Variants in SMG1 observed in about 807,000 individuals in gnomAD.
The protein encoded by SMG1 is SMG1 nonsense mediated mRNA decay associated PI3K related kinase.
In SMG1, 22 loss-of-function variants were observed where a neutral mutation model predicts 419.9. That is an observed-to-expected ratio of 0.05 (90% CI 0.04 to 0.07). The LOEUF (loss-of-function observed/expected upper bound fraction) is 0.07. Ranked by LOEUF, SMG1 falls within the 10% of genes least tolerant of loss-of-function variation. SMG1 has a pLI of 1.00. For missense variants in SMG1, 3,185 were observed against 4,342.0 expected (o/e 0.73, Z 7.49); for synonymous variants, 1,538 against 1,553.5 (o/e 0.99, Z 0.23).
At chr16:18,814,359 C>T (rs970273751) in intron 60 of SMG1, among the ~76,000 whole-genome samples, 1 of 150,904 alleles carries the variant, frequency 6.6e-6, no homozygotes, top group Non-Finnish European at 1.5e-5. Context: ...TTTAGCCAGG[C>T]ATGGTGGCGA....
intron 6 of SMG1, among the ~76,000 whole-genome samples, chr16:18,886,767 C>A (rs1451161274): frequency 6.6e-6 from 1 of 151,994 alleles, no homozygotes; most frequent in Non-Finnish European, 1.5e-5. Context: ...GTGCCACTGC[C>A]CTCCAGCTTG....
chr16:18,865,562 A>G (rs1474674491), intron 23 of SMG1, among the ~76,000 whole-genome samples: 1 of 152,182 alleles, frequency 6.6e-6, no homozygotes, highest in Non-Finnish European at 1.5e-5. Flanking sequence ...AAAATATCAG[A>G]AACAACCTTA....
chr16:18,884,263 T>A (rs2036526743), intron 8 of SMG1, 96 bp from the exon 9 acceptor site: 1 of 578,350 alleles, frequency 1.7e-6, no homozygotes, highest in Non-Finnish European at 3.0e-6. Context: ...TTAAGAGGTA[T>A]CTGGTTTTCA....
Position 18,839,188 on chromosome 16 carries a change from A to T in SMG1, c.6946-499T>A, listed in dbSNP as rs182213149. ...TTAAATATTGATTTTATTTAAAAAA[A>T]TTTTTTTCCTTCTAACTTTTAGGTT... On this transcript the variant is annotated intron_variant, in intron 42 of 62. Coordinates refer to ENST00000446231, the MANE Select transcript of SMG1 (RefSeq NM_015092.5). 3.9e-4 allele frequency among the ~76,000 whole-genome samples: 59 copies of T among 152,024 alleles called. No homozygotes were observed. The East Asian group carries it at 9.3e-3, about 24-fold the overall frequency.
Position 18,850,376 on chromosome 16 carries a change from C to A in SMG1, c.5144G>T (p.Cys1715Phe). Residue 1715 changes from cysteine to phenylalanine, a missense_variant, in exon 34 of 63, where the codon TGC (cysteine) becomes TTC (phenylalanine). By Grantham distance (205) the Cys-to-Phe change is radical. Transcript: ENST00000446231. ...DVIWRQLISSCPWLSELDESA... is the reference protein window; with the variant it reads ...DVIWRQLISSFPWLSELDESA... ...TTCATCAAGTTCTGAAAGCCATGGG[C>A]AGCTTGATATCAACTGACGCCAGAT... 1 of 1,613,990 alleles carries A rather than the reference C, an allele frequency of 6.2e-7. No homozygotes were observed. The highest frequency in any genetic ancestry group is 8.5e-7 in the Non-Finnish European group (1 of 1,179,868).
rs892576262 is a variant in SMG1 at position 18,884,463 on chromosome 16, C to A, written c.1022-296G>T. On this transcript the variant is annotated intron_variant, in intron 8 of 62. Transcript: ENST00000446231. ...TCACTACACATGACTTAAGACTAAA[C>A]TGCCACAATCTACCATTGGCCCAGC... 9.9e-5 allele frequency among the ~76,000 whole-genome samples: 15 copies of A among 152,096 alleles called. 1 individual carries two copies. In the South Asian group the frequency reaches 2.1e-3, roughly 21 times the overall value.
chr16:18,816,135 A>T (rs1361861978), intron 58 of SMG1, 167 bp downstream of exon 58: 1 of 624,010 alleles, frequency 1.6e-6, no homozygotes, highest in Non-Finnish European at 2.8e-6. Context: ...TACTGGCTTT[A>T]AAAAATAGTT....
At chr16:18,889,990 AAACTTAAAAGGAT>A (rs1385199850) in intron 5 of SMG1, among the ~76,000 whole-genome samples, 7 of 152,360 alleles carry the variant, frequency 4.6e-5, no homozygotes, top group Admixed American at 2.6e-4. Context: ...TTAAATACAG[AAACTTAAAAGGAT>A]AACAGTAATG....
chr16:18,817,247 A>C (rs749780560), intron 57 of SMG1, 44 bp downstream of exon 57: 1 of 1,506,364 alleles, frequency 6.6e-7, no homozygotes, highest in Non-Finnish European at 9.0e-7. Flanking sequence ...TTAATAGTAT[A>C]ACACTAGCCT....
chr16:18,814,719 C>G (rs942306677), intron 60 of SMG1, among the ~76,000 whole-genome samples: 1 of 140,090 alleles, frequency 7.1e-6, no homozygotes, highest in Non-Finnish European at 1.6e-5. Flanking sequence ...GGACTACAAG[C>G]ATCTGGCACC....
rs1051523941 is a variant in SMG1 at position 18,810,854 on chromosome 16, G to A, written c.10908+907C>T. Among the ~76,000 whole-genome samples, 3 of 152,238 alleles carry A rather than the reference G, an allele frequency of 2.0e-5. No homozygotes were observed. In the South Asian group the frequency reaches 6.2e-4, roughly 32 times the overall value. Reference sequence around the variant, plus strand: ...TTAGGCATGAAGTGCTAAGATGTCTGCAAAGAACCCTCAAATTGTTCAGAA... The same window carrying A: ...TTAGGCATGAAGTGCTAAGATGTCTACAAAGAACCCTCAAATTGTTCAGAA... On this transcript the variant is annotated intron_variant, in intron 62 of 62. Coordinates refer to ENST00000446231, the MANE Select transcript of SMG1 (RefSeq NM_015092.5).
At chr16:18,910,216 G>A (rs534814366) in intron 1 of SMG1, among the ~76,000 whole-genome samples, 33 of 148,532 alleles carry the variant, frequency 2.2e-4, no homozygotes, top group South Asian at 2.1e-3. Flanking sequence ...AGAAACTCAC[G>A]CCACCATGCC....
chr16:18,845,480 C>G lies in SMG1; in HGVS notation c.6168G>C (p.Lys2056Asn). ...CAGGCTTTGCAGGGTTCAATGGAGT[C>G]TTCAGTTTTTCTAGGGCATTTTCAA... ...DAIENALEKL[K>N]TPLNPAKPGS... Residue 2056 changes from lysine (K) to asparagine (N), a missense_variant, in exon 39 of 63, where the codon AAG (lysine) becomes AAC (asparagine). Lys to Asn is a moderately conservative substitution (Grantham distance 94, BLOSUM62 0). Transcript: ENST00000446231. 1 of 1,613,954 alleles carries G rather than the reference C, an allele frequency of 6.2e-7. No individual in the cohort carries two copies. Among genetic ancestry groups the G allele is most frequent in the Non-Finnish European group, 8.5e-7 (1 of 1,179,892 alleles).
In SMG1 at chr16:18,816,407, C is replaced by T. The variant is rs919573450; in HGVS notation, c.10197G>A (p.Thr3399=). ...IQTEKEQQIE[T]VCETIQNLVD... ...CCAGATTCTGAATTGTTTCACAGAC[C>T]GTTTCTATCTGCTGCTCTTTCTCTG... The change falls in exon 58 of 63, where the codon ACG becomes ACA. Residue 3399 remains threonine, a synonymous_variant. Transcript: ENST00000446231. The T allele has an allele frequency of 2.5e-6, 4 of 1,613,886 alleles. No homozygotes were observed. The highest frequency in any genetic ancestry group is 1.1e-5 in the South Asian group (1 of 91,078).
intron 62 of SMG1, among the ~76,000 whole-genome samples, chr16:18,810,229 C>T (rs2141054898): frequency 6.6e-6 from 1 of 152,272 alleles, no homozygotes; most frequent in East Asian, 1.9e-4. Context: ...CCAAAGATGG[C>T]ACAAACTGAC....
rs2034207737 is a variant in SMG1, at chr16:18,845,517, T to C, written c.6131A>G (p.Tyr2044Cys). The C allele has an allele frequency of 6.2e-7, 1 of 1,613,960 alleles. No individual in the cohort carries two copies. Among genetic ancestry groups the C allele is most frequent in the East Asian group, 2.2e-5 (1 of 44,878 alleles). The part of the protein sequence containing the change: ...TPHEKWFQDN[Y>C]GDAIENALEK... ...TAGGGCATTTTCAATGGCATCACCA[T>C]AGTTATCCTGAAACCATTTTTCATG... Residue 2044 changes from tyrosine to cysteine, a missense_variant, in exon 39 of 63, where the codon TAT becomes TGT. Physicochemically the swap from Tyr to Cys is radical, Grantham distance 194. This residue lies in a region of SMG1 where 159 missense variants were observed against 196.0 expected (regional missense o/e 0.81). Transcript: ENST00000446231.
rs193173719 is a variant in SMG1, at chr16:18,840,608, A to C, written c.6697-662T>G. On this transcript the variant is annotated intron_variant, in intron 41 of 62. Transcript: ENST00000446231. The stretch of plus-strand genomic sequence containing the variant: ...TATTAAGCACTCAGATACATGGCTA[A>C]AATATATTCTAAATTAAACTCCTAG... Among the ~76,000 whole-genome samples, 65 of 152,314 alleles carry C rather than the reference A, an allele frequency of 4.3e-4. No individual in the cohort carries two copies. The South Asian group carries it at 0.012, about 27-fold the overall frequency.
intron 3 of SMG1, among the ~76,000 whole-genome samples, chr16:18,894,911 G>A (rs1243895343): frequency 1.3e-5 from 2 of 151,980 alleles, no homozygotes; most frequent in Non-Finnish European, 2.9e-5. Context: ...TCCACCTCCC[G>A]GGTTCACGCC....
chr16:18,847,820 A>G lies in SMG1; in HGVS notation c.5837T>C (p.Leu1946Ser), dbSNP rs757766862. The change falls in exon 37 of 63, where the codon TTA (leucine) becomes TCA (serine). Residue 1946 changes from leucine to serine, a missense_variant. Coordinates refer to ENST00000446231, the MANE Select transcript of SMG1 (RefSeq NM_015092.5). ...KLSSANPTMV[L>S]QVQMLVAELR... ...AACATGTGAGTTTCTTTGTACCTGT[A>G]ATACCATGGTGGGGTTTGCAGAGGA... 1.8e-5 allele frequency: 29 copies of G among 1,613,600 alleles called. No homozygotes were observed. Among genetic ancestry groups the G allele is most frequent in the Non-Finnish European group, 2.5e-5 (29 of 1,179,694 alleles).
Sources: gnomAD v4.1 joint callset for allele counts (sites outside exome capture counted in the v4.1 genomes callset) on GRCh38, gnomAD v4.1.1 for gene constraint, gnomAD v4.1.1 regional missense constraint, MANE v1.5 for transcripts, NCBI Gene and HGNC (gene_info 2026-07-23, HGNC 2026-07-21) for gene names.